ADCY8: variants seen among roughly 807,000 people sequenced by gnomAD.
The protein encoded by ADCY8 is adenylate cyclase 8.
Under a neutral mutation model 119.7 loss-of-function variants are expected in ADCY8, and 51 were observed. The ratio of observed to expected loss-of-function variants is 0.43; its 90% confidence interval spans 0.34 to 0.54. The LOEUF (loss-of-function observed/expected upper bound fraction) is 0.54. ADCY8 is among the 20% of genes least tolerant of loss of function. ADCY8 has a pLI of 0.03. For missense variants in ADCY8, 1,383 were observed against 1,598.8 expected (o/e 0.87, Z 2.30); for synonymous variants, 665 against 651.0 (o/e 1.02, Z -0.33).
chr8:130,860,422 A>G (rs934617842), intron 9 of ADCY8, among the ~76,000 whole-genome samples: 21 of 152,118 alleles, frequency 1.4e-4, no homozygotes, highest in Non-Finnish European at 2.4e-4. Context: ...CTGACTTACA[A>G]TTTTTTTCTT....
intron 9 of ADCY8, among the ~76,000 whole-genome samples, chr8:130,855,199 A>C (rs957810216): frequency 3.3e-5 from 5 of 150,878 alleles, no homozygotes; most frequent in Admixed American, 3.3e-4. Context: ...AAACTCCCTC[A>C]TCTGCCAAAA....
intron 2 of ADCY8, among the ~76,000 whole-genome samples, chr8:130,971,341 G>A (rs1232990986): frequency 6.6e-6 from 1 of 152,130 alleles, no homozygotes; most frequent in African/African-American, 2.4e-5. Flanking sequence ...GGTTAAGTGT[G>A]AATTAAGGAT....
intron 2 of ADCY8, among the ~76,000 whole-genome samples, chr8:130,988,540 T>C (rs1002541055): frequency 2.6e-5 from 4 of 152,164 alleles, no homozygotes; most frequent in Admixed American, 1.3e-4. Flanking sequence ...TATTGGCCCA[T>C]GTATAAAAAA....
chr8:131,013,171 A>T (rs1823364278), intron 1 of ADCY8, among the ~76,000 whole-genome samples: 1 of 152,194 alleles, frequency 6.6e-6, no homozygotes, highest in Admixed American at 6.5e-5. Context: ...GTGACAAATA[A>T]GACAAATTAG....
Position 130,838,598 on chromosome 8 carries a change from C to T in ADCY8, c.2503-2149G>A, listed in dbSNP as rs1371073380. On this transcript the variant is annotated intron_variant, in intron 11 of 17. Transcript: ENST00000286355. ...TTGTTGCCTGTATCACAACAAGGGG[C>T]GGTGCATGGCTTTTTGCAAATTATG... Among the ~76,000 whole-genome samples the T allele has an allele frequency of 5.8e-5, 6 of 104,278 alleles. 2 individuals carry two copies. The highest frequency in any genetic ancestry group is 1.0e-3 in the South Asian group (2 of 1,974). The allele number at this position is 104,278 out of a possible 152,430, so 68.4% of individuals were successfully genotyped here. A position where few individuals can be genotyped will look rare whatever the true frequency, so the allele number is the denominator to read the frequency against.
At chr8:130,893,943 T>C (rs1208922553) in intron 7 of ADCY8, among the ~76,000 whole-genome samples, 2 of 152,092 alleles carry the variant, frequency 1.3e-5, no homozygotes, top group African/African-American at 4.8e-5. Context: ...TTTGAGAAAA[T>C]TGAAATAGAA....
intron 4 of ADCY8, 131 bp downstream of exon 4, chr8:130,943,220 G>A (rs763017962): frequency 3.2e-5 from 20 of 629,890 alleles, no homozygotes; most frequent in Middle Eastern, 2.6e-4. Flanking sequence ...AGAGGGTCAG[G>A]GTCCATGCCT....
rs1337766887 is a variant in ADCY8, at chr8:130,814,217, G to A, written c.2765C>T (p.Thr922Ile). 1.2e-6 allele frequency: 2 copies of A among 1,613,868 alleles called. No individual in the cohort carries two copies. Among genetic ancestry groups the A allele is most frequent in the African/African-American group, 1.3e-5 (1 of 74,922 alleles). The change falls in exon 14 of 18, where the codon ACA becomes ATA. Residue 922 changes from threonine (T) to isoleucine (I), a missense_variant. Around this residue, in one of 2 missense-constraint regions of ADCY8, gnomAD observed 928 missense variants for 1,163.5 expected, o/e 0.80. Coordinates refer to ENST00000286355, the MANE Select transcript of ADCY8 (RefSeq NM_001115.3). The stretch of plus-strand genomic sequence containing the variant: ...TCGCCAAAGGAAGTCCAGGCGGGCT[G>A]TGTACTCCAGCTGCAGTACATGTGA... Reference protein sequence around the residue: ...VFYHGQQLEYTARLDFLWRVQ... With the variant: ...VFYHGQQLEYIARLDFLWRVQ...
At chr8:130,944,770 G>C (rs1202027920) in intron 3 of ADCY8, among the ~76,000 whole-genome samples, 1 of 152,112 alleles carries the variant, frequency 6.6e-6, no homozygotes, top group Non-Finnish European at 1.5e-5. Context: ...TTATTGAATG[G>C]CTCATTCTTT....
chr8:131,033,909 G>A (rs1157260449), intron 1 of ADCY8, among the ~76,000 whole-genome samples: 1 of 151,938 alleles, frequency 6.6e-6, no homozygotes, highest in African/African-American at 2.4e-5. Flanking sequence ...AATCTCTTGG[G>A]AAGGTTGACA....
At chr8:130,951,782 C>T in intron 3 of ADCY8, 86 bp downstream of exon 3, 1 of 1,528,774 alleles carries the variant, frequency 6.5e-7, no homozygotes, top group South Asian at 1.2e-5. Context: ...GACATTCAAG[C>T]AGACGGAAGT....
chr8:130,890,318 T>C (rs1819141782), intron 7 of ADCY8, among the ~76,000 whole-genome samples: 1 of 152,122 alleles, frequency 6.6e-6, no homozygotes, highest in South Asian at 2.1e-4. Context: ...ACCTGCACGT[T>C]GTGCACATGT....
At chr8:130,937,684 G>C (rs1383313731) in intron 4 of ADCY8, among the ~76,000 whole-genome samples, 1 of 152,082 alleles carries the variant, frequency 6.6e-6, no homozygotes, top group African/African-American at 2.4e-5. Context: ...TTTCCAGCAA[G>C]GACATTTGCA....
chr8:130,929,451 C>T (rs1820568213), intron 5 of ADCY8, among the ~76,000 whole-genome samples: 1 of 152,030 alleles, frequency 6.6e-6, no homozygotes, highest in African/African-American at 2.4e-5. Flanking sequence ...TTGTGAAGTT[C>T]CTCCTGTTAT....
chr8:130,932,784 C>T (rs1820670178), intron 5 of ADCY8, among the ~76,000 whole-genome samples: 1 of 152,178 alleles, frequency 6.6e-6, no homozygotes, highest in Non-Finnish European at 1.5e-5. Flanking sequence ...CCTGCCAATG[C>T]ACTAACTAGC....
At chr8:130,964,755 G>C (rs777868395) in intron 2 of ADCY8, among the ~76,000 whole-genome samples, 1 of 152,204 alleles carries the variant, frequency 6.6e-6, no homozygotes, top group Non-Finnish European at 1.5e-5. Flanking sequence ...TTCCACAGTA[G>C]TTGAACTAAC....
intron 6 of ADCY8, 34 bp downstream of exon 6, chr8:130,909,674 C>A (rs752194525): frequency 6.2e-7 from 1 of 1,612,786 alleles, no homozygotes; most frequent in East Asian, 2.2e-5. Flanking sequence ...CAATGACAAC[C>A]GTTAAGCATG....
At chr8:130,992,380 G>GGC (rs1563758943) in intron 1 of ADCY8, among the ~76,000 whole-genome samples, 7 of 97,418 alleles carry the variant, frequency 7.2e-5, no homozygotes, top group African/African-American at 1.6e-4. Context: ...AACTGTATCT[G>GGC]GCATATATAT....
In ADCY8 at chr8:130,780,852, A is replaced by G. The variant is rs757054691; in HGVS notation, c.3294T>C (p.Ala1098=). 2.2e-5 allele frequency: 35 copies of G among 1,613,902 alleles called. No homozygotes were observed. Among genetic ancestry groups the G allele is most frequent in the Non-Finnish European group, 3.0e-5 (35 of 1,179,948 alleles). Residue 1098 remains alanine, a synonymous_variant, in exon 18 of 18, where the codon GCT becomes GCC. Transcript: ENST00000286355. ...RIGISHGSVV[A]GVIGAKKPQY... The stretch of plus-strand genomic sequence containing the variant: ...GTGGTTTCTTAGCGCCGATAACGCC[A>G]GCTACCACTGAGCCGTGGCTGATGC...
Sources: gnomAD v4.1 joint callset for allele counts (sites outside exome capture counted in the v4.1 genomes callset) on GRCh38, gnomAD v4.1.1 for gene constraint, gnomAD v4.1.1 regional missense constraint, MANE v1.5 for transcripts, NCBI Gene and HGNC (gene_info 2026-07-23, HGNC 2026-07-21) for gene names.